PDE1A: variants seen among roughly 807,000 people sequenced by gnomAD.
The protein encoded by PDE1A is phosphodiesterase 1A, also known as dual specificity calcium/calmodulin-dependent 3',5'-cyclic nucleotide phosphodiesterase 1A.
Under a neutral mutation model 61.7 loss-of-function variants are expected in PDE1A, and 35 were observed. The observed-to-expected ratio is 0.57, with a 90% CI of 0.43 to 0.75. PDE1A has a LOEUF of 0.75. Ranked by LOEUF, PDE1A falls within the 30% of genes least tolerant of loss-of-function variation. PDE1A has a pLI of 0.00. For missense variants in PDE1A, 597 were observed against 630.6 expected (o/e 0.95, Z 0.57); for synonymous variants, 232 against 213.2 (o/e 1.09, Z -0.77).
At chr2:182,516,963 C>T (rs539081872) in intron 2 of PDE1A, among the ~76,000 whole-genome samples, 1 of 152,130 alleles carries the variant, frequency 6.6e-6, no homozygotes, top group South Asian at 2.1e-4. Flanking sequence ...ACTCCATCTG[C>T]TCCTTTAATT....
chr2:182,631,476 C>T, the PDE1A span, among the ~76,000 whole-genome samples: 1 of 152,154 alleles, frequency 6.6e-6, no homozygotes, highest in South Asian at 2.1e-4. Flanking sequence ...TTAGGGAAAG[C>T]CATCTGCTTT....
chr2:182,435,123 A>G (rs923794368), intron 2 of PDE1A, among the ~76,000 whole-genome samples: 1 of 152,062 alleles, frequency 6.6e-6, no homozygotes, highest in African/African-American at 2.4e-5. Context: ...ACTTCCTATA[A>G]GTAGTGTAAC....
intron 4 of PDE1A, among the ~76,000 whole-genome samples, chr2:182,232,010 C>CT (rs777354973): frequency 4.7e-4 from 72 of 152,260 alleles, no homozygotes; most frequent in Non-Finnish European, 8.4e-4. Context: ...TTTTACACTA[C>CT]TTTTCAACTA....
the PDE1A span, among the ~76,000 whole-genome samples, chr2:182,683,062 G>A: frequency 2.2e-3 from 339 of 151,442 alleles, 1 homozygote; most frequent in Non-Finnish European, 2.8e-3. Context: ...TATATGAATT[G>A]CATTGGAACA....
At chr2:182,362,298 T>C (rs1412945293) in intron 1 of PDE1A, among the ~76,000 whole-genome samples, 1 of 151,890 alleles carries the variant, frequency 6.6e-6, no homozygotes, top group Non-Finnish European at 1.5e-5. Flanking sequence ...GTAATCTTAT[T>C]AAAAATTACT....
intron 1 of PDE1A, among the ~76,000 whole-genome samples, chr2:182,378,303 T>C (rs556809020): frequency 2.0e-5 from 3 of 152,338 alleles, no homozygotes; most frequent in African/African-American, 7.2e-5. Context: ...GCTACTGTAA[T>C]ACAAATTTGA....
intron 1 of PDE1A, among the ~76,000 whole-genome samples, chr2:182,395,728 G>C (rs765937068): frequency 1.8e-4 from 28 of 152,170 alleles, no homozygotes; most frequent in Non-Finnish European, 3.7e-4. Flanking sequence ...AGGTGTCAGT[G>C]GCAGATAGGG....
chr2:182,386,559 C>G (rs1159772000), intron 1 of PDE1A, among the ~76,000 whole-genome samples: 5 of 150,510 alleles, frequency 3.3e-5, no homozygotes, highest in Admixed American at 3.3e-4. Context: ...TGAGGAGCCC[C>G]TCCGCCCAGC....
chr2:182,688,260 A>G, the PDE1A span, among the ~76,000 whole-genome samples: 1 of 152,162 alleles, frequency 6.6e-6, no homozygotes, highest in Non-Finnish European at 1.5e-5. Context: ...AGGAAAAAAC[A>G]TTAAGGGGAG....
chr2:182,627,146 TTATTTATATATAAAATATAAATAA>T, the PDE1A span, among the ~76,000 whole-genome samples: 3 of 46,948 alleles, frequency 6.4e-5, 1 homozygote, highest in African/African-American at 1.4e-4. Flanking sequence ...AATATAAATA[TTATTTATATATAAAATATAAATAA>T]TATTTATATA....
the PDE1A span, among the ~76,000 whole-genome samples, chr2:182,572,482 T>C: frequency 6.6e-6 from 1 of 152,220 alleles, no homozygotes; most frequent in South Asian, 2.1e-4. Flanking sequence ...TAGAAAAGTA[T>C]GACAATAATT....
exon 15 of PDE1A, chr2:182,140,194 A>T (rs574496151): frequency 6.6e-6 from 1 of 152,314 alleles, no homozygotes; most frequent in African/African-American, 2.4e-5. Context: ...CATTCTAGTT[A>T]TTAGGTATAA....
chr2:182,536,498 C>T, the PDE1A span, among the ~76,000 whole-genome samples: 14,639 of 151,992 alleles, frequency 0.096, 989 homozygotes, highest in Non-Finnish European at 0.15. Context: ...TGTAGCAAAA[C>T]CTGATTGATC....
chr2:182,458,997 T>C (rs1048618225), intron 2 of PDE1A, among the ~76,000 whole-genome samples: 1 of 152,106 alleles, frequency 6.6e-6, no homozygotes, highest in African/African-American at 2.4e-5. Context: ...TTACACAATA[T>C]AGTAAAAGCA....
At chr2:182,555,584 A>G in the PDE1A span, among the ~76,000 whole-genome samples, 5 of 152,342 alleles carry the variant, frequency 3.3e-5, no homozygotes, top group South Asian at 1.0e-3. Flanking sequence ...TTTTACACTG[A>G]GAAAATTTTG....
At chr2:182,400,128 G>A (rs114432516) in intron 1 of PDE1A, among the ~76,000 whole-genome samples, 1,964 of 152,072 alleles carry the variant, frequency 0.013, 37 homozygotes, top group Admixed American at 0.044. Flanking sequence ...CATATTTATT[G>A]GCTATTTGAT....
At chr2:182,648,815 T>C in the PDE1A span, among the ~76,000 whole-genome samples, 1 of 151,946 alleles carries the variant, frequency 6.6e-6, no homozygotes, top group Non-Finnish European at 1.5e-5. Context: ...TGGGTGCAAA[T>C]GCCAACACTT....
intron 1 of PDE1A, among the ~76,000 whole-genome samples, chr2:182,394,753 C>A (rs1701608906): frequency 6.6e-6 from 1 of 152,210 alleles, no homozygotes; most frequent in South Asian, 2.1e-4. Flanking sequence ...TTGGCATAGA[C>A]ATACTTAGCT....
At chr2:182,559,579 T>C in the PDE1A span, among the ~76,000 whole-genome samples, 9 of 152,282 alleles carry the variant, frequency 5.9e-5, no homozygotes, top group African/African-American at 2.2e-4. Flanking sequence ...CGGTACCTAC[T>C]AAAGCTGAAC....
Sources: gnomAD v4.1 joint callset for allele counts (sites outside exome capture counted in the v4.1 genomes callset) on GRCh38, gnomAD v4.1.1 for gene constraint, MANE v1.5 for transcripts, NCBI Gene and HGNC (gene_info 2026-07-23, HGNC 2026-07-21) for gene names.